Variants in DNAJC11 observed in about 807,000 individuals in gnomAD.
DNAJC11 encodes the protein dnaJ homolog subfamily C member 11.
In DNAJC11, 15 loss-of-function variants were observed where a neutral mutation model predicts 78.6. That is an observed-to-expected ratio of 0.19 (90% CI 0.13 to 0.29). The LOEUF is 0.29. Among genes scored for constraint, DNAJC11 ranks in the 10% least tolerant of loss-of-function variants. The pLI, the probability that DNAJC11 is intolerant of heterozygous loss-of-function variation, is 1.00. For synonymous variants in DNAJC11, 292 were observed against 272.1 expected (o/e 1.07, Z -0.72); for missense variants, 547 against 709.6 (o/e 0.77, Z 2.60).
chr1:6,691,807 G>T (rs1642750355), intron 1 of DNAJC11, among the ~76,000 whole-genome samples: 1 of 152,222 alleles, frequency 6.6e-6, no homozygotes, highest in Non-Finnish European at 1.5e-5. Context: ...TCCTTCCAGG[G>T]ACTGCAATCT....
At chr1:6,698,157 G>C (rs1642869011) in intron 1 of DNAJC11, among the ~76,000 whole-genome samples, 2 of 151,962 alleles carry the variant, frequency 1.3e-5, no homozygotes, top group South Asian at 4.1e-4. Flanking sequence ...GATTTCTAAA[G>C]AAAACTCTCT....
intron 7 of DNAJC11, 65 bp downstream of exon 7, chr1:6,651,464 A>G: frequency 3.6e-6 from 5 of 1,379,028 alleles, no homozygotes; most frequent in Non-Finnish European, 5.1e-6. Flanking sequence ...TAAAAAGAAC[A>G]CACAGTTCTA....
rs115390672 is a variant in DNAJC11 at position 6,688,219 on chromosome 1, C to T, written c.73-7182G>A. 1.5e-3 allele frequency among the ~76,000 whole-genome samples: 224 copies of T among 152,292 alleles called. 2 individuals are homozygous for T. Among genetic ancestry groups the T allele is most frequent in the African/African-American group, 5.1e-3 (211 of 41,554 alleles). Reference sequence around the variant, plus strand: ...CAGTCCTGGACTGAGTCTCCATAAGCCCTGACTCACTCTGGAGCCTGAGGA... The same window carrying T: ...CAGTCCTGGACTGAGTCTCCATAAGTCCTGACTCACTCTGGAGCCTGAGGA... On this transcript the variant is annotated intron_variant, in intron 1 of 15. Transcript: ENST00000377577.
intron 7 of DNAJC11, among the ~76,000 whole-genome samples, chr1:6,650,378 C>A (rs1642036081): frequency 6.6e-6 from 1 of 152,026 alleles, no homozygotes; most frequent in African/African-American, 2.4e-5. Context: ...CCAGCCTAGG[C>A]AACATAGAGA....
intron 1 of DNAJC11, among the ~76,000 whole-genome samples, chr1:6,698,894 G>A (rs1227698372): frequency 6.6e-6 from 1 of 150,738 alleles, no homozygotes; most frequent in Non-Finnish European, 1.5e-5. Flanking sequence ...TATGAGCCAC[G>A]ACTGCACCAC....
intron 3 of DNAJC11, among the ~76,000 whole-genome samples, chr1:6,673,138 G>A (rs187162038): frequency 1.0e-4 from 14 of 138,564 alleles, no homozygotes; most frequent in Admixed American, 3.2e-4. Context: ...AGAGGTTGCC[G>A]TGAACGGAGA....
At chr1:6,646,913 T>C (rs1460666144) in intron 7 of DNAJC11, among the ~76,000 whole-genome samples, 1 of 151,912 alleles carries the variant, frequency 6.6e-6, no homozygotes, top group African/African-American at 2.4e-5. Context: ...CCCAGCACTT[T>C]GGGAGGCTGA....
chr1:6,696,196 TGTA>T (rs1357830940), intron 1 of DNAJC11, among the ~76,000 whole-genome samples: 1 of 152,242 alleles, frequency 6.6e-6, no homozygotes, highest in African/African-American at 2.4e-5. Flanking sequence ...TTTAACATAA[TGTA>T]GTAGATGGAA....
chr1:6,661,036 A>G, intron 4 of DNAJC11, among the ~76,000 whole-genome samples: 1 of 152,236 alleles, frequency 6.6e-6, no homozygotes, highest in East Asian at 1.9e-4. Context: ...TAACTGACAA[A>G]TAGAGACTGC....
chr1:6,639,112 T>G (rs1305004986), intron 11 of DNAJC11, among the ~76,000 whole-genome samples: 1 of 152,220 alleles, frequency 6.6e-6, no homozygotes, highest in East Asian at 1.9e-4. Flanking sequence ...CTCAGTTTTC[T>G]GTAGAGATGC....
At chr1:6,658,670 T>C (rs1439400565) in intron 4 of DNAJC11, among the ~76,000 whole-genome samples, 5 of 152,012 alleles carry the variant, frequency 3.3e-5, no homozygotes, top group Non-Finnish European at 7.4e-5. Context: ...AAATTCCCCA[T>C]ATCTTAAGGA....
At position 6,680,847 on chromosome 1, in the gene DNAJC11, C is replaced by A. The variant is rs2147878966; in HGVS notation, c.202+61G>T. 1 of 1,590,090 alleles carries A rather than the reference C, an allele frequency of 6.3e-7. No individual in the cohort carries two copies. The highest frequency in any genetic ancestry group is 8.6e-7 in the Non-Finnish European group (1 of 1,163,954). Reference sequence around the variant, plus strand: ...CTTTTTCTATCCTCTACAAATCGCACCTCCTAAAAATCGAATATCTGTTAC... The same window carrying A: ...CTTTTTCTATCCTCTACAAATCGCAACTCCTAAAAATCGAATATCTGTTAC... On this transcript the variant is annotated intron_variant, in intron 2 of 15. Transcript: ENST00000377577. This position sits in a 1 kb window ranked among gnomAD's most constrained non-coding sequence, Gnocchi z 4.0.
rs148060356 is a variant in DNAJC11, at chr1:6,637,330, G to A, written c.1392C>T (p.Ile464=). ...CAAACTTCCCGTACCAGGCATTGAC[G>A]ATGATGAGGCCTAAGGACAGACTCC... ...EAEESRMGLI[I]VNAWYGKFVN... Residue 464 remains isoleucine (I), a synonymous_variant, in exon 14 of 16, where the codon ATC becomes ATT. Coordinates refer to ENST00000377577, the MANE Select transcript of DNAJC11 (RefSeq NM_018198.4). 2.6e-5 allele frequency: 42 copies of A among 1,614,068 alleles called. No individual in the cohort carries two copies. The highest frequency in any genetic ancestry group is 3.6e-5 in the Non-Finnish European group (42 of 1,180,038).
intron 6 of DNAJC11, among the ~76,000 whole-genome samples, chr1:6,652,025 A>G (rs1425204074): frequency 6.6e-6 from 1 of 151,976 alleles, no homozygotes; most frequent in Non-Finnish European, 1.5e-5. Context: ...CCTGCGCCAA[A>G]TGTCTCCCAG....
intron 3 of DNAJC11, among the ~76,000 whole-genome samples, chr1:6,675,203 T>C (rs1642442211): frequency 6.6e-6 from 1 of 151,978 alleles, no homozygotes; most frequent in African/African-American, 2.4e-5. Flanking sequence ...CACTAATACA[T>C]ATCCGAGTAA....
intron 4 of DNAJC11, among the ~76,000 whole-genome samples, chr1:6,666,829 C>T (rs557587260): frequency 3.3e-5 from 5 of 152,172 alleles, no homozygotes; most frequent in African/African-American, 7.2e-5. Context: ...GATGGAAGAC[C>T]GGGGAGCTCC....
At chr1:6,659,420 C>T (rs1642174856) in intron 4 of DNAJC11, among the ~76,000 whole-genome samples, 2 of 152,184 alleles carry the variant, frequency 1.3e-5, no homozygotes, top group Non-Finnish European at 2.9e-5. Context: ...ATCTGCTTCC[C>T]ATCCTTCCTC....
At chr1:6,641,982 G>A (rs1332958534) in intron 10 of DNAJC11, among the ~76,000 whole-genome samples, 1 of 152,164 alleles carries the variant, frequency 6.6e-6, no homozygotes, top group African/African-American at 2.4e-5. Context: ...GGGCTACTAT[G>A]TTATACAAGG....
chr1:6,652,643 T>A (rs979085776), intron 6 of DNAJC11, among the ~76,000 whole-genome samples, 186 bp downstream of exon 6: 1 of 152,174 alleles, frequency 6.6e-6, no homozygotes. Flanking sequence ...TTTCACCATG[T>A]TGGCCAGGCT....
Sources: allele counts gnomAD v4.1 joint callset (sites outside exome capture counted in the v4.1 genomes callset), GRCh38; gene constraint gnomAD v4.1.1; non-coding constraint Gnocchi (gnomAD v3.1); transcripts MANE v1.5; gene names NCBI Gene and HGNC (gene_info 2026-07-23, HGNC 2026-07-21).